MED13L: variants seen among roughly 807,000 people sequenced by gnomAD.
The protein encoded by MED13L is mediator of RNA polymerase II transcription subunit 13-like.
A neutral mutation model predicts 220.9 loss-of-function variants in MED13L; 7 were observed. The ratio of observed to expected loss-of-function variants is 0.03; its 90% confidence interval spans 0.02 to 0.06. The LOEUF (loss-of-function observed/expected upper bound fraction) is 0.06, where lower values mean the gene tolerates loss of function less well. Among genes scored for constraint, MED13L ranks in the 10% least tolerant of loss-of-function variants. The probability of loss-of-function intolerance (pLI) is 1.00; values close to 1 mark genes in which losing one functional copy is unlikely to be tolerated. For synonymous variants in MED13L, 1,011 were observed against 1,015.2 expected (o/e 1.00, Z 0.08); for missense variants, 1,965 against 2,760.5 (o/e 0.71, Z 6.46).
intron 4 of MED13L, 104 bp from the exon 5 acceptor site, chr12:116,022,705 G>A (rs538787506): frequency 2.4e-6 from 3 of 1,241,224 alleles, no homozygotes; most frequent in African/African-American, 3.0e-5. Context: ...CAACCGTCCA[G>A]TAAGGCTGAC....
intron 3 of MED13L, among the ~76,000 whole-genome samples, chr12:116,105,944 G>A (rs1304475389): frequency 4.6e-5 from 7 of 152,130 alleles, no homozygotes; most frequent in Non-Finnish European, 7.4e-5. Flanking sequence ...TACCATTTCC[G>A]AGCAAAAGCA....
At chr12:116,242,598 A>G (rs1448105604) in intron 1 of MED13L, among the ~76,000 whole-genome samples, 3 of 152,342 alleles carry the variant, frequency 2.0e-5, no homozygotes, top group African/African-American at 7.2e-5. Context: ...ATTATGTATA[A>G]TAACCACCAA....
chr12:116,216,701 G>A (rs186551255), intron 2 of MED13L, among the ~76,000 whole-genome samples: 84 of 152,258 alleles, frequency 5.5e-4, no homozygotes, highest in Middle Eastern at 3.4e-3. Context: ...AAGCCATGCA[G>A]GAAATTAAAT....
intron 2 of MED13L, among the ~76,000 whole-genome samples, chr12:116,119,835 AAAAATATAT>A (rs1293688771): frequency 4.6e-5 from 5 of 109,148 alleles, no homozygotes; most frequent in African/African-American, 2.0e-4. Flanking sequence ...AAAAAAAAAA[AAAAATATAT>A]ATATATATAT....
At chr12:115,989,932 TTG>T in intron 17 of MED13L, among the ~76,000 whole-genome samples, 1 of 152,318 alleles carries the variant, frequency 6.6e-6, no homozygotes, top group East Asian at 1.9e-4. Flanking sequence ...CCAGTGCACA[TTG>T]TTATTTTTCC....
Position 116,009,145 on chromosome 12 carries a change from T to C in MED13L, c.1281-13A>G. The C allele has an allele frequency of 1.2e-6, 2 of 1,613,706 alleles. No individual in the cohort carries two copies. Among genetic ancestry groups the C allele is most frequent in the Non-Finnish European group, 8.5e-7 (1 of 1,179,832 alleles). On this transcript the variant is annotated splice_polypyrimidine_tract_variant and intron_variant, in intron 9 of 30. Transcript: ENST00000281928. The stretch of plus-strand genomic sequence containing the variant: ...TAAAAGCTTATGCCTAAAATGAGAG[T>C]AAACAATTACATCATTATAACATTA...
At chr12:116,205,153 C>T (rs1044014313) in intron 2 of MED13L, among the ~76,000 whole-genome samples, 6 of 152,030 alleles carry the variant, frequency 3.9e-5, no homozygotes, top group African/African-American at 1.5e-4. Flanking sequence ...AAAAACGGTG[C>T]CTATTAAAGA....
chr12:116,251,439 C>T (rs1164782372), intron 1 of MED13L, among the ~76,000 whole-genome samples: 3 of 137,618 alleles, frequency 2.2e-5, no homozygotes, highest in Non-Finnish European at 3.1e-5. Context: ...GGATTACAGG[C>T]GTGAGGGATC....
At chr12:116,261,127 A>C (rs191454440) in intron 1 of MED13L, among the ~76,000 whole-genome samples, 3 of 152,162 alleles carry the variant, frequency 2.0e-5, no homozygotes, top group African/African-American at 7.2e-5. Context: ...ATTGCACCAG[A>C]CTTGCCTTCT....
At chr12:115,979,764 A>C (rs930910878) in intron 23 of MED13L, among the ~76,000 whole-genome samples, 10 of 152,248 alleles carry the variant, frequency 6.6e-5, no homozygotes, top group Admixed American at 1.3e-4. Context: ...TTTTCATGCA[A>C]TAAAATTGTG....
chr12:116,107,174 T>G (rs1465805402), intron 3 of MED13L, among the ~76,000 whole-genome samples: 2 of 152,178 alleles, frequency 1.3e-5, no homozygotes, highest in Non-Finnish European at 2.9e-5. Flanking sequence ...AGAAAAGGAC[T>G]TAAACAAACA....
intron 14 of MED13L, among the ~76,000 whole-genome samples, chr12:116,002,048 T>C (rs1034846395): frequency 1.7e-4 from 26 of 152,372 alleles, no homozygotes; most frequent in Non-Finnish European, 3.2e-4. Context: ...TAATACTGTT[T>C]CTTTTAATCT....
chr12:116,276,386 T>C, intron 1 of MED13L: 1 of 1,256,794 alleles, frequency 8.0e-7, no homozygotes, highest in Non-Finnish European at 1.0e-6. Context: ...AAAACAGTTT[T>C]TAAAAGACAC....
At chr12:116,135,861 G>A (rs559823462) in intron 2 of MED13L, among the ~76,000 whole-genome samples, 1 of 151,776 alleles carries the variant, frequency 6.6e-6, no homozygotes, top group Non-Finnish European at 1.5e-5. Flanking sequence ...ATACACAGAA[G>A]CCACTGTGCT....
chr12:116,092,816 A>G (rs1872346844), intron 4 of MED13L, among the ~76,000 whole-genome samples: 1 of 152,136 alleles, frequency 6.6e-6, no homozygotes, highest in African/African-American at 2.4e-5. Flanking sequence ...ATACAAAAGT[A>G]ATTAGAATAT....
Position 116,083,404 on chromosome 12 carries a change from G to GGGA in MED13L, c.479+13264_479+13265insTCC, listed in dbSNP as rs1177240921. 7.2e-4 allele frequency among the ~76,000 whole-genome samples: 57 copies of GGGA among 79,380 alleles called. 1 individual carries two copies. The highest frequency in any genetic ancestry group is 1.2e-3 in the Non-Finnish European group (52 of 42,052). 52.1% of individuals were successfully genotyped at this position (79,380 alleles called of 152,430 possible). ...AAGACAGAGCGAGACTGTCTCGAGGGAAAAAAAAAAAAAAAAAAAAAAACA... is the reference window on the plus strand; with the variant it reads ...AAGACAGAGCGAGACTGTCTCGAGGGGGAAAAAAAAAAAAAAAAAAAAAAAACA... On this transcript the variant is annotated intron_variant, in intron 4 of 30. Coordinates refer to ENST00000281928, the MANE Select transcript of MED13L (RefSeq NM_015335.5).
At chr12:116,124,569 C>G (rs1875417366) in intron 2 of MED13L, among the ~76,000 whole-genome samples, 1 of 151,890 alleles carries the variant, frequency 6.6e-6, no homozygotes, top group South Asian at 2.1e-4. Flanking sequence ...AAATGCTACT[C>G]CAAGACAGAA....
At chr12:116,058,386 TC>T (rs1383368052) in intron 4 of MED13L, among the ~76,000 whole-genome samples, 1 of 152,146 alleles carries the variant, frequency 6.6e-6, no homozygotes, top group African/African-American at 2.4e-5. Flanking sequence ...AATACTGTTT[TC>T]CCCATATATT....
rs1310583922 is a variant in MED13L at position 115,984,207 on chromosome 12, A to G, written c.4504T>C (p.Tyr1502His). Residue 1502 changes from tyrosine to histidine, a missense_variant, in exon 20 of 31, where the codon TAT (tyrosine) becomes CAT (histidine). Physicochemically the swap from Tyr to His is moderately conservative, Grantham distance 83. This residue lies in a region of MED13L where 510 missense variants were observed against 620.4 expected (regional missense o/e 0.82). Transcript: ENST00000281928. ...AGGTGATGGCGGCAAACTTGCGCAT[A>G]AAGTTTGAGTCTGGAATGATTGTCA... The part of the protein sequence containing the change: ...ENDNHSRLKL[Y>H]AQVCRHHLAP... 6.2e-7 allele frequency: 1 copy of G among 1,613,984 alleles called. No homozygotes were observed. Among genetic ancestry groups the G allele is most frequent in the Admixed American group, 1.7e-5 (1 of 59,998 alleles).
Sources: gnomAD v4.1 joint callset for allele counts (sites outside exome capture counted in the v4.1 genomes callset) on GRCh38, gnomAD v4.1.1 for gene constraint, gnomAD v4.1.1 regional missense constraint, MANE v1.5 for transcripts, NCBI Gene and HGNC (gene_info 2026-07-23, HGNC 2026-07-21) for gene names.